DSTYK: variants seen among roughly 807,000 people sequenced by gnomAD.
DSTYK encodes dual serine/threonine and tyrosine protein kinase.
In DSTYK, 34 loss-of-function variants were observed where a neutral mutation model predicts 98.7. That is an observed-to-expected ratio of 0.34 (90% CI 0.26 to 0.46). The LOEUF (loss-of-function observed/expected upper bound fraction) is 0.46. DSTYK is among the 20% of genes least tolerant of loss of function. The pLI is 1.00. For missense variants in DSTYK, 962 were observed against 1,181.7 expected, an observed-to-expected ratio of 0.81 and a Z score of 2.73; for synonymous variants, 462 against 457.3, an observed-to-expected ratio of 1.01 and a Z score of -0.13.
rs765444355 is a variant in DSTYK at position 205,211,333 on chromosome 1, G to C, written c.203C>G (p.Thr68Arg). The C allele has an allele frequency of 5.6e-6, 9 of 1,611,418 alleles. No homozygotes were observed. Among genetic ancestry groups the C allele is most frequent in the Non-Finnish European group, 7.6e-6 (9 of 1,179,088 alleles). The change falls in exon 1 of 13, where the codon ACG becomes AGG. Residue 68 changes from threonine to arginine, a missense_variant. Physicochemically the swap from Thr to Arg is moderately conservative, Grantham distance 71. Around this residue, in one of 4 missense-constraint regions of DSTYK, gnomAD observed 168 missense variants for 120.0 expected, o/e 1.40. Coordinates refer to ENST00000367162, the MANE Select transcript of DSTYK (RefSeq NM_015375.3). ...SHNHTCLSSLTGGGGAERGPA... is the reference protein window; with the variant it reads ...SHNHTCLSSLRGGGGAERGPA... ...GCCGCGCTCGGCCCCGCCGCCGCCC[G>C]TGAGGGAGGAGAGACAAGTGTGGTT...
intron 1 of DSTYK, among the ~76,000 whole-genome samples, chr1:205,203,682 G>A (rs964117723): frequency 1.4e-4 from 22 of 151,956 alleles, no homozygotes; most frequent in Admixed American, 9.8e-4. Context: ...TTGGGAGGCC[G>A]AGGCAGGTGG....
In DSTYK at chr1:205,208,491, G is replaced by C. The variant is rs574123739; in HGVS notation, c.265+2780C>G. On this transcript the variant is annotated intron_variant, in intron 1 of 12. Coordinates refer to ENST00000367162, the MANE Select transcript of DSTYK (RefSeq NM_015375.3). ...TAGAGGCACAGTTCCATTCTGAAGT[G>C]ATGCTTAAAACCTACAGGTTTGTTA... is the stretch of plus-strand genomic sequence containing the variant. Among the ~76,000 whole-genome samples the C allele has an allele frequency of 2.1e-4, 32 of 152,310 alleles. No individual in the cohort carries two copies. The South Asian group carries it at 6.4e-3, about 31-fold the overall frequency.
At chr1:205,163,368 C>T (rs761285507) in intron 4 of DSTYK, among the ~76,000 whole-genome samples, 6 of 152,036 alleles carry the variant, frequency 3.9e-5, no homozygotes, top group Non-Finnish European at 5.9e-5. Context: ...TACAGGCATG[C>T]ACCACCACGC....
In DSTYK at chr1:205,148,303, C is replaced by G. The variant is rs760444729; in HGVS notation, c.2504G>C (p.Gly835Ala). Residue 835 changes from glycine to alanine, a missense_variant, in exon 12 of 13, where the codon GGA (glycine) becomes GCA (alanine). Physicochemically the swap from Gly to Ala is moderately conservative, Grantham distance 60. Around this residue, in one of 4 missense-constraint regions of DSTYK, gnomAD observed 69 missense variants for 142.9 expected, o/e 0.48. Transcript: ENST00000367162. ...YDNSVDVYAF[G>A]ILFWYICSGS... ...TGAGCAGATATACCAGAAAAGAATTCCAAAAGCGTAGACATCCACGGAATT... is the reference window on the plus strand; with the variant it reads ...TGAGCAGATATACCAGAAAAGAATTGCAAAAGCGTAGACATCCACGGAATT... The G allele has an allele frequency of 1.9e-6, 3 of 1,614,082 alleles. No individual in the cohort carries two copies. The highest frequency in any genetic ancestry group is 1.7e-5 in the Admixed American group (1 of 60,008).
intron 1 of DSTYK, 65 bp from the exon 2 acceptor site, chr1:205,187,871 G>A: frequency 1.4e-6 from 2 of 1,413,548 alleles, no homozygotes; most frequent in Non-Finnish European, 1.9e-6. Context: ...AGGAAGGGGA[G>A]AGAGAGAGAC....
At chr1:205,190,574 C>T (rs1658679989) in intron 1 of DSTYK, among the ~76,000 whole-genome samples, 1 of 146,874 alleles carries the variant, frequency 6.8e-6, no homozygotes, top group African/African-American at 2.5e-5. Context: ...CAAGATCACG[C>T]CATTGCACTC....
At chr1:205,154,164 T>C (rs558735954) in intron 10 of DSTYK, among the ~76,000 whole-genome samples, 1 of 152,030 alleles carries the variant, frequency 6.6e-6, no homozygotes, top group Non-Finnish European at 1.5e-5. Context: ...GGGTCTTCAT[T>C]GTACCACTCT....
intron 9 of DSTYK, among the ~76,000 whole-genome samples, chr1:205,157,669 G>A (rs956828527): frequency 6.6e-6 from 1 of 152,014 alleles, no homozygotes; most frequent in Non-Finnish European, 1.5e-5. Context: ...GGCTGAGGCA[G>A]GAGAATCACT....
Position 205,143,465 on chromosome 1 carries a change from C to G in DSTYK, c.*4093G>C, listed in dbSNP as rs1405678448. 1 of 152,240 alleles carries G rather than the reference C, an allele frequency of 6.6e-6. No homozygotes were observed. Among genetic ancestry groups the G allele is most frequent in the East Asian group, 1.9e-4 (1 of 5,164 alleles). 9.4% of individuals were successfully genotyped at this position (152,240 alleles called of 1,614,324 possible). On this transcript the variant is annotated 3_prime_UTR_variant, in exon 13 of 13. Coordinates refer to ENST00000367162, the MANE Select transcript of DSTYK (RefSeq NM_015375.3). ...AAGCAACTACTCTTTTGGCAGTGGA[C>G]TCTTCCAGGGTTGTTAATCCCACTC...
chr1:205,199,387 C>T (rs753441640), intron 1 of DSTYK, among the ~76,000 whole-genome samples: 1 of 152,252 alleles, frequency 6.6e-6, no homozygotes, highest in Non-Finnish European at 1.5e-5. Context: ...CTCTGACCAA[C>T]TTTCCCTCCA....
intron 1 of DSTYK, among the ~76,000 whole-genome samples, chr1:205,204,524 CTG>C (rs1260500923): frequency 6.6e-6 from 1 of 151,926 alleles, no homozygotes; most frequent in Non-Finnish European, 1.5e-5. Context: ...AATTATATGC[CTG>C]TGCTTTAAGG....
intron 1 of DSTYK, among the ~76,000 whole-genome samples, chr1:205,198,706 G>A (rs1658940193): frequency 1.3e-5 from 2 of 152,036 alleles, no homozygotes; most frequent in South Asian, 4.1e-4. Flanking sequence ...GCTCTGGCAA[G>A]TTTGACTTGA....
intron 2 of DSTYK, among the ~76,000 whole-genome samples, chr1:205,177,482 T>C (rs1658265819): frequency 6.6e-6 from 1 of 152,330 alleles, no homozygotes; most frequent in African/African-American, 2.4e-5. Flanking sequence ...CTGATTCTTT[T>C]TCATTTCTAA....
chr1:205,150,174 C>T lies in DSTYK; in HGVS notation c.2467+506G>A, dbSNP rs1657361509. ...TCACCTACCAATTTCCCAAATCTGA[C>T]TCAAGTTCTATTCAAAATCTCACCT... On this transcript the variant is annotated intron_variant, in intron 11 of 12. Transcript: ENST00000367162. The surrounding 1 kb of genome is among the most constrained non-coding windows in gnomAD (Gnocchi z 4.1). Among the ~76,000 whole-genome samples the T allele has an allele frequency of 6.6e-6, 1 of 152,186 alleles. No homozygotes were observed. The highest frequency in any genetic ancestry group is 1.5e-5 in the Non-Finnish European group (1 of 68,038).
chr1:205,192,819 G>A (rs527882444), intron 1 of DSTYK, among the ~76,000 whole-genome samples: 2 of 152,214 alleles, frequency 1.3e-5, no homozygotes, highest in East Asian at 1.9e-4. Context: ...CCGAGATAAC[G>A]CCATTGCACT....
intron 4 of DSTYK, 65 bp downstream of exon 4, chr1:205,163,658 G>C: frequency 7.7e-7 from 1 of 1,305,126 alleles, no homozygotes; most frequent in Non-Finnish European, 1.1e-6. Context: ...TTTGAAGTGT[G>C]GACTTGTGCA....
At chr1:205,148,094 G>T in intron 12 of DSTYK, 111 bp downstream of exon 12, 1 of 1,299,040 alleles carries the variant, frequency 7.7e-7, no homozygotes, top group Non-Finnish European at 1.1e-6. Flanking sequence ...ACGTATCTAC[G>T]GCCCTGCTAT....
intron 10 of DSTYK, among the ~76,000 whole-genome samples, chr1:205,152,326 C>T (rs1271216134): frequency 1.3e-5 from 2 of 152,130 alleles, no homozygotes; most frequent in African/African-American, 4.8e-5. Flanking sequence ...TACAGGCATG[C>T]GCCACCACAC....
chr1:205,169,606 C>T lies in DSTYK; in HGVS notation c.881G>A (p.Arg294Lys), dbSNP rs201109942. ...CGGTGATCTTTCGCTCTCCATTCTCCTGGTTGAGGAGTCTATTATCTCCGA... is the reference window on the plus strand; with the variant it reads ...CGGTGATCTTTCGCTCTCCATTCTCTTGGTTGAGGAGTCTATTATCTCCGA... ...LGSEIIDSST[R>K]RMESERSPLY... The change falls in exon 3 of 13, where the codon AGG becomes AAG. Residue 294 changes from arginine (R) to lysine (K), a missense_variant. By Grantham distance (26) the Arg-to-Lys change is conservative. Coordinates refer to ENST00000367162, the MANE Select transcript of DSTYK (RefSeq NM_015375.3). The surrounding 1 kb of genome is among the most constrained non-coding windows in gnomAD (Gnocchi z 4.0). The T allele has an allele frequency of 5.8e-5, 93 of 1,614,224 alleles. No homozygotes were observed. In the East Asian group the frequency reaches 2.1e-3, roughly 36 times the overall value.
Sources: gnomAD v4.1 joint callset for allele counts (sites outside exome capture counted in the v4.1 genomes callset) on GRCh38, gnomAD v4.1.1 for gene constraint, gnomAD v4.1.1 regional missense constraint, Gnocchi (gnomAD v3.1) non-coding constraint, MANE v1.5 for transcripts, NCBI Gene and HGNC (gene_info 2026-07-23, HGNC 2026-07-21) for gene names.